The following SERBP1 variants were observed in gnomAD, a reference collection of about 807,000 sequenced individuals.
The protein encoded by SERBP1 is SERPINE1 mRNA binding protein 1.
A neutral mutation model predicts 50.2 loss-of-function variants in SERBP1; 6 were observed. The observed-to-expected ratio is 0.12, with a 90% CI of 0.07 to 0.24. The LOEUF is 0.24. Ranked by LOEUF, SERBP1 falls within the 10% of genes least tolerant of loss-of-function variation. The probability of loss-of-function intolerance (pLI) is 1.00; values close to 1 mark genes in which losing one functional copy is unlikely to be tolerated. For missense variants in SERBP1, 346 were observed against 524.9 expected (o/e 0.66, Z 3.33); for synonymous variants, 168 against 182.8 (o/e 0.92, Z 0.65).
intron 3 of SERBP1, 45 bp from the exon 4 acceptor site, chr1:67,425,022 CAA>C (rs749020206): frequency 6.2e-7 from 1 of 1,601,534 alleles, no homozygotes; most frequent in Non-Finnish European, 8.5e-7. Flanking sequence ...TCTAGAAATT[CAA>C]AGTTTGTTTA....
chr1:67,409,771 C>T lies in SERBP1; in HGVS notation c.*3436G>A, dbSNP rs536714791. 2 of 152,290 alleles carry T rather than the reference C, an allele frequency of 1.3e-5. No individual in the cohort carries two copies. The highest frequency in any genetic ancestry group is 3.9e-4 in the East Asian group (2 of 5,188). 9.4% of individuals were successfully genotyped at this position (152,290 alleles called of 1,614,324 possible). On this transcript the variant is annotated 3_prime_UTR_variant, in exon 8 of 8. Transcript: ENST00000361219. ...CAAATTTCTGGGAAGCTGCCACTTA[C>T]TATTAACTCAACCTGACAATTATCT...
Position 67,408,730 on chromosome 1 carries a change from T to C in SERBP1, c.*4477A>G, listed in dbSNP as rs1247464774. Reference sequence around the variant, plus strand: ...ACACAAAGGGATCTGAGTCACTAAATGTGAAATACTAATCATGGTATTTTT... The same window carrying C: ...ACACAAAGGGATCTGAGTCACTAAACGTGAAATACTAATCATGGTATTTTT... On this transcript the variant is annotated 3_prime_UTR_variant, in exon 8 of 8. Coordinates refer to ENST00000361219, the MANE Select transcript of SERBP1 (RefSeq NM_001018069.2). The C allele has an allele frequency of 2.0e-5, 3 of 152,172 alleles. No homozygotes were observed. The highest frequency in any genetic ancestry group is 4.4e-5 in the Non-Finnish European group (3 of 68,014). 9.4% of individuals were successfully genotyped at this position (152,172 alleles called of 1,614,324 possible).
chr1:67,424,124 T>C (rs1667293561), intron 5 of SERBP1, 76 bp downstream of exon 5: 1 of 1,459,022 alleles, frequency 6.9e-7, no homozygotes, highest in Non-Finnish European at 9.2e-7. Flanking sequence ...CAGCATTAAA[T>C]CTATGGGTTA....
chr1:67,429,884 A>G, intron 1 of SERBP1, 104 bp downstream of exon 1: 1 of 1,269,420 alleles, frequency 7.9e-7, no homozygotes. Flanking sequence ...ATAGGCGGCA[A>G]AGTCTCCCGC....
At position 67,430,165 on chromosome 1, in the gene SERBP1, C is replaced by A. The variant is rs11548131; in HGVS notation, c.136G>T (p.Val46Phe). ...NKKKEAGGGGVGGPGAKSAAQ... is the reference protein window; with the variant it reads ...NKKKEAGGGGFGGPGAKSAAQ... ...GCGCTCTTGGCCCCAGGGCCCCCAA[C>A]GCCGCCCCCGCCGGCTTCTTTTTTC... The change falls in exon 1 of 8, where the codon GTT (valine) becomes TTT (phenylalanine). Residue 46 changes from valine (V) to phenylalanine (F), a missense_variant. Around this residue, in one of 5 missense-constraint regions of SERBP1, gnomAD observed 257 missense variants for 331.2 expected, o/e 0.78. Coordinates refer to ENST00000361219, the MANE Select transcript of SERBP1 (RefSeq NM_001018069.2). The A allele has an allele frequency of 1.2e-6, 2 of 1,610,736 alleles. No homozygotes were observed. Among genetic ancestry groups the A allele is most frequent in the Non-Finnish European group, 1.7e-6 (2 of 1,179,540 alleles).
chr1:67,420,002 AT>A lies in SERBP1; in HGVS notation c.951+6del. 1 of 1,612,742 alleles carries A rather than the reference AT, an allele frequency of 6.2e-7. No homozygotes were observed. Among genetic ancestry groups the A allele is most frequent in the Non-Finnish European group, 8.5e-7 (1 of 1,179,000 alleles). On this transcript the variant is annotated splice_donor_region_variant and intron_variant, in intron 6 of 7. Coordinates refer to ENST00000361219, the MANE Select transcript of SERBP1 (RefSeq NM_001018069.2). ...ACATTTTCAAACACGACAAAACTTAATTTTACCTCTTCACTCTTTGATTTAT... is the reference window on the plus strand; with the variant it reads ...ACATTTTCAAACACGACAAAACTTAATTTACCTCTTCACTCTTTGATTTAT...
intron 2 of SERBP1, 49 bp from the exon 3 acceptor site, chr1:67,425,272 G>A: frequency 6.6e-7 from 1 of 1,513,560 alleles, no homozygotes; most frequent in Non-Finnish European, 8.9e-7. Context: ...CAGAAGAAAT[G>A]AGGAAAATTC....
intron 2 of SERBP1, among the ~76,000 whole-genome samples, chr1:67,425,724 C>T (rs942399527): frequency 6.6e-6 from 1 of 152,186 alleles, no homozygotes; most frequent in Non-Finnish European, 1.5e-5. Context: ...TAAAGCTTAA[C>T]AATGCACACA....
intron 1 of SERBP1, among the ~76,000 whole-genome samples, chr1:67,429,262 C>T (rs940506040): frequency 6.6e-6 from 1 of 152,192 alleles, no homozygotes; most frequent in African/African-American, 2.4e-5. Flanking sequence ...CGAGGACGTT[C>T]CTCGGGATGT....
chr1:67,424,814 C>A, intron 4 of SERBP1, 74 bp downstream of exon 4: 2 of 1,089,796 alleles, frequency 1.8e-6, no homozygotes, highest in Non-Finnish European at 1.4e-6. Context: ...ATCTCAGAGA[C>A]AAGTAAAATT....
In SERBP1 at chr1:67,408,724, A is replaced by G. The variant is rs1666717523; in HGVS notation, c.*4483T>C. The G allele has an allele frequency of 6.6e-6, 1 of 152,200 alleles. No individual in the cohort carries two copies. Among genetic ancestry groups the G allele is most frequent in the Admixed American group, 6.5e-5 (1 of 15,294 alleles). The allele number at this position is 152,200 out of a possible 1,614,324, so 9.4% of individuals were successfully genotyped here. A position where few individuals can be genotyped will look rare whatever the true frequency, so the allele number is the denominator to read the frequency against. On this transcript the variant is annotated 3_prime_UTR_variant, in exon 8 of 8. Coordinates refer to ENST00000361219, the MANE Select transcript of SERBP1 (RefSeq NM_001018069.2). ...GGACTTACACAAAGGGATCTGAGTC[A>G]CTAAATGTGAAATACTAATCATGGT...
chr1:67,421,775 G>A (rs1055417420), intron 5 of SERBP1, among the ~76,000 whole-genome samples: 1 of 152,150 alleles, frequency 6.6e-6, no homozygotes, highest in African/African-American at 2.4e-5. Flanking sequence ...CCAACATGGT[G>A]TAACCATGTC....
At chr1:67,415,798 T>G (rs1479670430) in intron 6 of SERBP1, among the ~76,000 whole-genome samples, 1 of 151,840 alleles carries the variant, frequency 6.6e-6, no homozygotes, top group Non-Finnish European at 1.5e-5. Context: ...AAAGAAAAAC[T>G]CTGTTCTACA....
chr1:67,419,089 G>A (rs112527226), intron 6 of SERBP1, among the ~76,000 whole-genome samples: 2 of 152,326 alleles, frequency 1.3e-5, no homozygotes, highest in Non-Finnish European at 2.9e-5. Flanking sequence ...CTCCAATACA[G>A]TTGACCCTTG....
intron 1 of SERBP1, among the ~76,000 whole-genome samples, chr1:67,428,941 T>C (rs190724798): frequency 6.6e-6 from 1 of 152,202 alleles, no homozygotes; most frequent in Admixed American, 6.5e-5. Flanking sequence ...CAACACCTGC[T>C]TGCTATTGAT....
chr1:67,419,845 T>C (rs1426964639), intron 6 of SERBP1, 164 bp downstream of exon 6: 3 of 626,596 alleles, frequency 4.8e-6, no homozygotes, highest in Admixed American at 6.3e-5. Context: ...TTAGAATATG[T>C]GATAATACAG....
chr1:67,422,786 C>T (rs1014732060), intron 5 of SERBP1, among the ~76,000 whole-genome samples: 7 of 147,744 alleles, frequency 4.7e-5, no homozygotes, highest in African/African-American at 1.8e-4. Flanking sequence ...ATGGTGAAAT[C>T]CTGTCTCTAC....
rs752715986 is a variant in SERBP1 at position 67,430,019 on chromosome 1, C to G, written c.282G>C (p.Glu94Asp). The change falls in exon 1 of 8, where the codon GAG (glutamate) becomes GAC (aspartate). Residue 94 changes from glutamate to aspartate, a missense_variant. Coordinates refer to ENST00000361219, the MANE Select transcript of SERBP1 (RefSeq NM_001018069.2). Reference sequence around the variant, plus strand: ...TCTTAAGCGCCACGGGCGGCTGCGTCTCCTCTTTCTTGTCAACCACGCCAA... The same window carrying G: ...TCTTAAGCGCCACGGGCGGCTGCGTGTCCTCTTTCTTGTCAACCACGCCAA... ...PSVGVVDKKE[E>D]TQPPVALKKE... 1 of 1,611,502 alleles carries G rather than the reference C, an allele frequency of 6.2e-7. No individual in the cohort carries two copies. Among genetic ancestry groups the G allele is most frequent in the South Asian group, 1.1e-5 (1 of 90,838 alleles).
At chr1:67,421,303 C>T (rs1667189675) in intron 5 of SERBP1, among the ~76,000 whole-genome samples, 3 of 152,082 alleles carry the variant, frequency 2.0e-5, no homozygotes, top group Admixed American at 2.0e-4. Context: ...CTTAGCATAC[C>T]TTTTATCATA....
Sources: gnomAD v4.1 joint callset for allele counts (sites outside exome capture counted in the v4.1 genomes callset) on GRCh38, gnomAD v4.1.1 for gene constraint, gnomAD v4.1.1 regional missense constraint, MANE v1.5 for transcripts, NCBI Gene and HGNC (gene_info 2026-07-23, HGNC 2026-07-21) for gene names.